The following GRIN2A variants were observed in gnomAD, a reference collection of about 807,000 sequenced individuals.
GRIN2A encodes the protein glutamate receptor ionotropic, NMDA 2A.
Under a neutral mutation model 113.4 loss-of-function variants are expected in GRIN2A, and 22 were observed. That is an observed-to-expected ratio of 0.19 (90% CI 0.14 to 0.28). The LOEUF (loss-of-function observed/expected upper bound fraction) is 0.28. GRIN2A is among the 10% of genes least tolerant of loss of function. The pLI is 1.00. For missense variants in GRIN2A, 1,502 were observed against 1,887.0 expected, an observed-to-expected ratio of 0.80 and a Z score of 3.78; for synonymous variants, 827 against 738.4, an observed-to-expected ratio of 1.12 and a Z score of -1.94.
chr16:10,133,539 G>A (rs1458200065), intron 2 of GRIN2A, among the ~76,000 whole-genome samples: 1 of 152,194 alleles, frequency 6.6e-6, no homozygotes, highest in Non-Finnish European at 1.5e-5. Context: ...CCCGGGAGGT[G>A]GAGGTTGCAG....
chr16:9,763,113 A>T lies in GRIN2A; in HGVS notation c.*36T>A. ...CCCTCCAGAACATTGGCCATTACGT[A>T]TATTTCCCTATAGATAAAACATTAA... On this transcript the variant is annotated 3_prime_UTR_variant, in exon 13 of 13. Transcript: ENST00000330684. The T allele has an allele frequency of 6.2e-7, 1 of 1,600,346 alleles. No individual in the cohort carries two copies. Among genetic ancestry groups the T allele is most frequent in the Non-Finnish European group, 8.6e-7 (1 of 1,168,862 alleles).
intron 2 of GRIN2A, among the ~76,000 whole-genome samples, chr16:9,950,403 A>G (rs1439238978): frequency 1.3e-5 from 2 of 152,090 alleles, no homozygotes; most frequent in Non-Finnish European, 2.9e-5. Context: ...TAGCCAAGGT[A>G]GAAAAAAGAA....
intron 2 of GRIN2A, among the ~76,000 whole-genome samples, chr16:10,135,579 T>C (rs900660502): frequency 1.3e-5 from 2 of 152,196 alleles, no homozygotes; most frequent in Non-Finnish European, 2.9e-5. Flanking sequence ...AAATCTGTAT[T>C]ATTGAGGGTT....
chr16:10,072,752 T>C (rs894484876), intron 2 of GRIN2A, among the ~76,000 whole-genome samples: 4 of 152,160 alleles, frequency 2.6e-5, no homozygotes, highest in East Asian at 3.9e-4. Context: ...AGATTCAGTA[T>C]TTCTGGGGAA....
At chr16:9,854,912 C>G (rs1363048319) in intron 4 of GRIN2A, among the ~76,000 whole-genome samples, 2 of 151,966 alleles carry the variant, frequency 1.3e-5, no homozygotes, top group Non-Finnish European at 2.9e-5. Context: ...ATTTTTGGAG[C>G]TTGGAGGGAA....
intron 2 of GRIN2A, among the ~76,000 whole-genome samples, chr16:10,079,074 G>A (rs1162318576): frequency 2.0e-5 from 3 of 152,152 alleles, no homozygotes; most frequent in Non-Finnish European, 4.4e-5. Flanking sequence ...CTGAAGGTCC[G>A]AGCTCCTTCC....
chr16:9,868,688 C>G (rs1490111229), intron 4 of GRIN2A, among the ~76,000 whole-genome samples: 1 of 152,160 alleles, frequency 6.6e-6, no homozygotes, highest in Admixed American at 6.5e-5. Context: ...TCTAAGTGAC[C>G]TGGCCTCCTC....
chr16:9,975,591 AAACT>A (rs2045759629), intron 2 of GRIN2A, among the ~76,000 whole-genome samples: 1 of 152,244 alleles, frequency 6.6e-6, no homozygotes, highest in Non-Finnish European at 1.5e-5. Flanking sequence ...CAGCAACAGA[AAACT>A]AACAGAGCAG....
intron 3 of GRIN2A, among the ~76,000 whole-genome samples, chr16:9,927,471 G>C (rs1267815553): frequency 6.6e-6 from 1 of 152,214 alleles, no homozygotes; most frequent in Non-Finnish European, 1.5e-5. Context: ...CCAAAAAGCA[G>C]AGTCAAGAGA....
chr16:10,054,974 G>A (rs2047420800), intron 2 of GRIN2A, among the ~76,000 whole-genome samples: 2 of 142,232 alleles, frequency 1.4e-5, no homozygotes, highest in African/African-American at 5.1e-5. Flanking sequence ...CTTGAACCCA[G>A]GAGGCGGAGG....
intron 3 of GRIN2A, among the ~76,000 whole-genome samples, chr16:9,910,491 A>G (rs886269312): frequency 1.3e-5 from 2 of 151,042 alleles, no homozygotes; most frequent in Non-Finnish European, 3.0e-5. Flanking sequence ...TAGCTGAGAT[A>G]TGAGATTTAA....
At chr16:10,065,380 C>T (rs557229131) in intron 2 of GRIN2A, among the ~76,000 whole-genome samples, 32 of 152,328 alleles carry the variant, frequency 2.1e-4, no homozygotes, top group Admixed American at 5.9e-4. Context: ...GTTACAACCA[C>T]GATTTTCTTT....
chr16:9,851,837 A>G (rs543792207), intron 4 of GRIN2A, among the ~76,000 whole-genome samples: 1 of 152,234 alleles, frequency 6.6e-6, no homozygotes, highest in Non-Finnish European at 1.5e-5. Context: ...TAAGGTTTGA[A>G]TGAGCCAAAA....
At chr16:10,127,938 A>C (rs1227498225) in intron 2 of GRIN2A, among the ~76,000 whole-genome samples, 1 of 152,068 alleles carries the variant, frequency 6.6e-6, no homozygotes, top group African/African-American at 2.4e-5. Flanking sequence ...CAGAGAGTCT[A>C]ACAGTGTGAT....
intron 2 of GRIN2A, among the ~76,000 whole-genome samples, chr16:10,098,393 G>A (rs777612694): frequency 2.0e-5 from 3 of 152,212 alleles, no homozygotes; most frequent in South Asian, 4.1e-4. Flanking sequence ...AAAACAGTGT[G>A]GAGATAGCTT....
At chr16:9,890,500 C>T (rs1239128985) in intron 4 of GRIN2A, among the ~76,000 whole-genome samples, 1 of 152,230 alleles carries the variant, frequency 6.6e-6, no homozygotes, top group African/African-American at 2.4e-5. Context: ...AGAAAAATAA[C>T]CTCCCTCTCT....
At chr16:9,818,040 G>A (rs759759886) in intron 10 of GRIN2A, among the ~76,000 whole-genome samples, 55 of 151,900 alleles carry the variant, frequency 3.6e-4, no homozygotes, top group South Asian at 1.5e-3. Flanking sequence ...TTTAAGGCTC[G>A]GTGGTAGGTA....
chr16:9,832,917 G>A (rs1432836146), intron 8 of GRIN2A, among the ~76,000 whole-genome samples: 1 of 152,128 alleles, frequency 6.6e-6, no homozygotes, highest in Non-Finnish European at 1.5e-5. Flanking sequence ...ATAAAACTAG[G>A]TTCCTAATAG....
rs77957310 is a variant in GRIN2A, at chr16:10,093,461, G to A, written c.414+86537C>T. ...CCTCCATAGCTTCTAAAAACATACA[G>A]TTAATCTACAGCATCTCTCCTACAT... is the stretch of plus-strand genomic sequence containing the variant. On this transcript the variant is annotated intron_variant, in intron 2 of 12. Coordinates refer to ENST00000330684, the MANE Select transcript of GRIN2A (RefSeq NM_001134407.3). 8.5e-3 allele frequency among the ~76,000 whole-genome samples: 1,299 copies of A among 152,222 alleles called. 20 individuals carry two copies. Among genetic ancestry groups the A allele is most frequent in the African/African-American group, 0.03 (1,249 of 41,512 alleles).
Sources: allele counts gnomAD v4.1 joint callset (sites outside exome capture counted in the v4.1 genomes callset), GRCh38; gene constraint gnomAD v4.1.1; transcripts MANE v1.5; gene names NCBI Gene and HGNC (gene_info 2026-07-23, HGNC 2026-07-21).